VPS13C: variants seen among roughly 807,000 people sequenced by gnomAD.
VPS13C encodes the protein intermembrane lipid transfer protein VPS13C.
A neutral mutation model predicts 456.8 loss-of-function variants in VPS13C; 358 were observed. The ratio of observed to expected loss-of-function variants is 0.78; its 90% confidence interval spans 0.72 to 0.86. The LOEUF (loss-of-function observed/expected upper bound fraction) is 0.86, where lower values mean the gene tolerates loss of function less well. Among genes scored for constraint, VPS13C ranks in the 40% least tolerant of loss-of-function variants. The pLI is 0.00. For synonymous variants in VPS13C, 1,578 were observed against 1,486.7 expected (o/e 1.06, Z -1.41); for missense variants, 4,818 against 4,385.4 (o/e 1.10, Z -2.79).
At chr15:61,927,011 GCTC>G in intron 52 of VPS13C, 77 bp downstream of exon 52, 1 of 1,230,794 alleles carries the variant, frequency 8.1e-7, no homozygotes, top group Non-Finnish European at 1.2e-6. Context: ...TCCCTGCAGA[GCTC>G]TCATATTCTA....
chr15:61,996,017 G>A (rs73414637), intron 16 of VPS13C, among the ~76,000 whole-genome samples: 4,137 of 152,240 alleles, frequency 0.027, 209 homozygotes, highest in African/African-American at 0.094. Flanking sequence ...CCGTATTTCC[G>A]GCCAAGGAAC....
Position 61,900,951 on chromosome 15 carries a change from C to T in VPS13C, c.9105+6313G>A, listed in dbSNP as rs1431819064. On this transcript the variant is annotated intron_variant, in intron 66 of 84. Transcript: ENST00000644861. ...AACAGAACGGAGCCCTCAGAAATAA[C>T]GCCGCATTTCTACAACTATCTGATC... Among the ~76,000 whole-genome samples the T allele has an allele frequency of 7.9e-5, 12 of 152,122 alleles. No homozygotes were observed. The South Asian group carries it at 1.5e-3, about 18-fold the overall frequency.
chr15:61,885,859 AG>A (rs1205387930), intron 67 of VPS13C, among the ~76,000 whole-genome samples: 6 of 152,264 alleles, frequency 3.9e-5, no homozygotes, highest in African/African-American at 1.4e-4. Context: ...CTATTTATAC[AG>A]GTTAATCCTT....
At chr15:62,033,407 G>A (rs2047882718) in intron 5 of VPS13C, 34 bp downstream of exon 5, 4 of 1,354,542 alleles carry the variant, frequency 3.0e-6, no homozygotes, top group Non-Finnish European at 4.1e-6. Context: ...TAAAATATAG[G>A]TATGTCTAAG....
chr15:62,032,115 C>T (rs2047840272), intron 5 of VPS13C, among the ~76,000 whole-genome samples: 1 of 151,564 alleles, frequency 6.6e-6, no homozygotes, highest in African/African-American at 2.4e-5. Flanking sequence ...CATCAATATA[C>T]CTAATGATGA....
At chr15:61,951,769 AG>A in intron 39 of VPS13C, 54 bp downstream of exon 39, 1 of 1,514,286 alleles carries the variant, frequency 6.6e-7, no homozygotes, top group Non-Finnish European at 8.9e-7. Flanking sequence ...GTTGATAAAA[AG>A]GTAGGGATCA....
intron 46 of VPS13C, among the ~76,000 whole-genome samples, 190 bp downstream of exon 46, chr15:61,941,573 A>G (rs184315661): frequency 6.6e-6 from 1 of 152,292 alleles, no homozygotes; most frequent in African/African-American, 2.4e-5. Flanking sequence ...GTAGTAAGGG[A>G]AAATACAGAC....
chr15:62,035,143 A>C, intron 3 of VPS13C, 91 bp from the exon 4 acceptor site: 5 of 845,386 alleles, frequency 5.9e-6, no homozygotes, highest in Non-Finnish European at 9.4e-6. Context: ...AAAGCATAAA[A>C]AACTCTTCAT....
intron 71 of VPS13C, 43 bp downstream of exon 71, chr15:61,881,520 C>A: frequency 6.6e-7 from 1 of 1,519,770 alleles, no homozygotes; most frequent in South Asian, 1.3e-5. Context: ...AGTAGATTCT[C>A]ATTTTAAATT....
chr15:62,043,602 T>C (rs1487150266), intron 2 of VPS13C, among the ~76,000 whole-genome samples: 2 of 151,858 alleles, frequency 1.3e-5, no homozygotes, highest in African/African-American at 2.4e-5. Flanking sequence ...TGAGACTGTA[T>C]CTCAAAAAGA....
chr15:62,017,762 A>G (rs970007151), intron 9 of VPS13C, among the ~76,000 whole-genome samples: 19 of 152,056 alleles, frequency 1.2e-4, no homozygotes, highest in Non-Finnish European at 2.8e-4. Context: ...TTGACTTGGC[A>G]ATGTGGGCTC....
chr15:61,969,308 C>A lies in VPS13C; in HGVS notation c.2902G>T (p.Glu968Ter). The A allele has an allele frequency of 6.3e-7, 1 of 1,593,878 alleles. No individual in the cohort carries two copies. Among genetic ancestry groups the A allele is most frequent in the Non-Finnish European group, 8.5e-7 (1 of 1,171,832 alleles). The part of the protein sequence containing the change: ...YLKKISLDYH[E>*]IEGSKRKPLH... The stretch of plus-strand genomic sequence containing the variant: ...TTTTTATGGGTATTACCTTCAATTT[C>A]ATGATAATCCAAGCTGATTTTCTTT... The change falls in exon 28 of 85, where the codon GAA becomes TAA. Residue 968 changes from glutamate to a stop codon, truncating the protein, a stop_gained. Transcript: ENST00000644861. LOFTEE classifies it high-confidence loss of function.
At chr15:61,882,495 G>T (rs1895931920) in intron 69 of VPS13C, 101 bp downstream of exon 69, 1 of 1,118,026 alleles carries the variant, frequency 8.9e-7, no homozygotes, top group Non-Finnish European at 1.2e-6. Flanking sequence ...ACAAAGAAAA[G>T]ATACCAATTA....
chr15:62,013,250 A>G (rs2047110993), intron 10 of VPS13C, 131 bp from the exon 11 acceptor site: 1 of 543,060 alleles, frequency 1.8e-6, no homozygotes, highest in Non-Finnish European at 3.1e-6. Flanking sequence ...AGGAAAGAAA[A>G]TAACATAAAA....
chr15:62,029,552 G>A (rs1224802718), intron 5 of VPS13C, among the ~76,000 whole-genome samples: 2 of 152,004 alleles, frequency 1.3e-5, no homozygotes, highest in East Asian at 1.9e-4. Flanking sequence ...CTCTTTGGCC[G>A]ACTATAACAT....
At chr15:62,024,377 A>G (rs1248497682) in intron 6 of VPS13C, among the ~76,000 whole-genome samples, 1 of 152,072 alleles carries the variant, frequency 6.6e-6, no homozygotes, top group Non-Finnish European at 1.5e-5. Flanking sequence ...TAACATGTAC[A>G]TTGGACTGTA....
At chr15:62,039,275 C>T (rs776015561) in intron 3 of VPS13C, among the ~76,000 whole-genome samples, 59 of 151,970 alleles carry the variant, frequency 3.9e-4, no homozygotes, top group Admixed American at 2.4e-3. Context: ...GAAATCATGT[C>T]CCCTACAGCA....
rs1400218380 is a variant in VPS13C, at chr15:61,980,177, C to A, written c.2166+1165G>T. ...CCAGCCTGGGTGACAGAGCAAGACC[C>A]CATCTCAAAAAAAAAAAAAAAAAAA... On this transcript the variant is annotated intron_variant, in intron 22 of 84. Transcript: ENST00000644861. Among the ~76,000 whole-genome samples the A allele has an allele frequency of 3.4e-5, 4 of 119,400 alleles. No homozygotes were observed. In the Admixed American group the frequency reaches 3.5e-4, roughly 11 times the overall value. 78.3% of individuals were successfully genotyped at this position (119,400 alleles called of 152,430 possible). A position where few individuals can be genotyped will look rare whatever the true frequency, so the allele number is the denominator to read the frequency against.
At chr15:61,908,720 T>C (rs2043215156) in intron 65 of VPS13C, among the ~76,000 whole-genome samples, 1 of 152,208 alleles carries the variant, frequency 6.6e-6, no homozygotes, top group Non-Finnish European at 1.5e-5. Context: ...TCAAAACTCA[T>C]TTGGCGGCAA....
Sources: allele counts gnomAD v4.1 joint callset (sites outside exome capture counted in the v4.1 genomes callset), GRCh38; gene constraint gnomAD v4.1.1; transcripts MANE v1.5; gene names NCBI Gene and HGNC (gene_info 2026-07-23, HGNC 2026-07-21).